The following ROR1 variants were observed in gnomAD, a reference collection of about 807,000 sequenced individuals.
The protein encoded by ROR1 is inactive tyrosine-protein kinase transmembrane receptor ROR1.
In ROR1, 19 loss-of-function variants were observed where a neutral mutation model predicts 78.8. The observed-to-expected ratio is 0.24, with a 90% CI of 0.17 to 0.35. ROR1 has a LOEUF of 0.35. Among genes scored for constraint, ROR1 ranks in the 10% least tolerant of loss-of-function variants. ROR1 has a pLI of 1.00. For synonymous variants in ROR1, 386 were observed against 433.6 expected, an observed-to-expected ratio of 0.89 and a Z score of 1.36; for missense variants, 917 against 1,177.8, an observed-to-expected ratio of 0.78 and a Z score of 3.24.
chr1:63,861,999 C>A (rs950748140), intron 1 of ROR1, among the ~76,000 whole-genome samples: 2 of 152,088 alleles, frequency 1.3e-5, no homozygotes, highest in African/African-American at 2.4e-5. Context: ...TTTAATTAAG[C>A]TTAAGCAATA....
intron 1 of ROR1, among the ~76,000 whole-genome samples, chr1:63,855,815 AT>A (rs34479737): frequency 0.22 from 32,634 of 147,832 alleles, 7,621 homozygotes; most frequent in African/African-American, 0.59. Context: ...CGCCCCACTA[AT>A]TTTTTTTTTT....
chr1:64,049,687 A>T lies in ROR1; in HGVS notation c.164-4A>T, dbSNP rs528131375. On this transcript the variant is annotated splice_polypyrimidine_tract_variant and splice_region_variant and intron_variant, in intron 2 of 8. Transcript: ENST00000371079. ...TCTCACCTGCCTCCTCTCTGTGCTC[A>T]CAGATTCTTACCTGACCCTCGATGA... 1 of 1,611,746 alleles carries T rather than the reference A, an allele frequency of 6.2e-7. No individual in the cohort carries two copies.
chr1:63,829,650 A>G (rs115825766), intron 1 of ROR1, among the ~76,000 whole-genome samples: 72 of 152,316 alleles, frequency 4.7e-4, no homozygotes, highest in African/African-American at 1.7e-3. Flanking sequence ...AAGTAATTCA[A>G]TCTTTCTGGA....
At chr1:64,107,596 A>G (rs1035847264) in intron 4 of ROR1, among the ~76,000 whole-genome samples, 2 of 151,692 alleles carry the variant, frequency 1.3e-5, no homozygotes, top group African/African-American at 4.8e-5. Context: ...TTTTTAAGTC[A>G]AGCTTTGTTA....
rs553946655 is a variant in ROR1, at chr1:64,179,955, T to C, written c.*1100T>C. ...TTCTGTGCTGGAAATGTTCACAGAT[T>C]TGATTCCCGCCCCAAGAATTACAAC... is the stretch of plus-strand genomic sequence containing the variant. On this transcript the variant is annotated 3_prime_UTR_variant, in exon 9 of 9. Transcript: ENST00000371079. 2 of 152,234 alleles carry C rather than the reference T, an allele frequency of 1.3e-5. No individual in the cohort carries two copies. Among genetic ancestry groups the C allele is most frequent in the Non-Finnish European group, 2.9e-5 (2 of 68,032 alleles). 9.4% of individuals were successfully genotyped at this position (152,234 alleles called of 1,614,324 possible).
At chr1:64,060,583 C>T (rs1187391040) in intron 4 of ROR1, among the ~76,000 whole-genome samples, 1 of 152,158 alleles carries the variant, frequency 6.6e-6, no homozygotes, top group African/African-American at 2.4e-5. Context: ...CCAAGATAAA[C>T]TCAAGGATAA....
chr1:64,160,376 A>G (rs1489967546), intron 8 of ROR1, among the ~76,000 whole-genome samples: 1 of 152,014 alleles, frequency 6.6e-6, no homozygotes, highest in Non-Finnish European at 1.5e-5. Context: ...AGGATTTGGA[A>G]TTCCTTAAAT....
At chr1:64,060,959 T>C (rs1646912419) in intron 4 of ROR1, among the ~76,000 whole-genome samples, 1 of 151,992 alleles carries the variant, frequency 6.6e-6, no homozygotes, top group African/African-American at 2.4e-5. Flanking sequence ...TGGCAAGGGG[T>C]ATCTTTGTGT....
At chr1:64,104,047 A>G (rs1391111777) in intron 4 of ROR1, among the ~76,000 whole-genome samples, 2 of 151,822 alleles carry the variant, frequency 1.3e-5, no homozygotes, top group African/African-American at 4.8e-5. Context: ...CCAACAAACA[A>G]CTCTCCAGCC....
At chr1:63,823,084 A>G (rs1392660334) in intron 1 of ROR1, among the ~76,000 whole-genome samples, 1 of 152,020 alleles carries the variant, frequency 6.6e-6, no homozygotes, top group Non-Finnish European at 1.5e-5. Context: ...TTAAGTTAAT[A>G]TACTTTTGAT....
intron 1 of ROR1, among the ~76,000 whole-genome samples, chr1:63,985,923 G>A (rs1271443626): frequency 1.3e-5 from 2 of 151,986 alleles, no homozygotes; most frequent in East Asian, 1.9e-4. Context: ...TTGGATAAGG[G>A]ATACTCAACC....
chr1:63,928,926 G>A (rs952514137), intron 1 of ROR1, among the ~76,000 whole-genome samples: 1 of 152,150 alleles, frequency 6.6e-6, no homozygotes, highest in Non-Finnish European at 1.5e-5. Flanking sequence ...TGTGCCCTCT[G>A]TCAGGCCCTG....
At chr1:63,877,248 T>C (rs1206784606) in intron 1 of ROR1, among the ~76,000 whole-genome samples, 4 of 152,112 alleles carry the variant, frequency 2.6e-5, no homozygotes, top group African/African-American at 7.2e-5. Flanking sequence ...GTTAAATTCC[T>C]CTGCGTGTGG....
intron 1 of ROR1, among the ~76,000 whole-genome samples, chr1:63,934,229 G>A (rs1387512382): frequency 1.3e-5 from 2 of 152,126 alleles, no homozygotes; most frequent in Non-Finnish European, 2.9e-5. Flanking sequence ...TGGAGCAAGA[G>A]GCCTTGAGCT....
chr1:64,138,528 G>A (rs1392629378), intron 5 of ROR1, among the ~76,000 whole-genome samples: 1 of 151,878 alleles, frequency 6.6e-6, no homozygotes, highest in South Asian at 2.1e-4. Context: ...AGGAGGCTGG[G>A]GGGAAGAGGG....
At chr1:64,013,244 G>T (rs997549607) in intron 2 of ROR1, among the ~76,000 whole-genome samples, 2 of 152,138 alleles carry the variant, frequency 1.3e-5, no homozygotes, top group Admixed American at 6.5e-5. Context: ...AGTCTGGTAA[G>T]GCAGGCATAT....
chr1:64,000,487 C>T (rs1357966883), intron 1 of ROR1, among the ~76,000 whole-genome samples: 1 of 152,184 alleles, frequency 6.6e-6, no homozygotes, highest in African/African-American at 2.4e-5. Flanking sequence ...TGAACTTCTC[C>T]TTGGGGAAAA....
chr1:64,105,226 T>G (rs1393245729), intron 4 of ROR1: 1 of 152,220 alleles, frequency 6.6e-6, no homozygotes, highest in Non-Finnish European at 1.5e-5. Flanking sequence ...TATTGAGCTT[T>G]TTTCATGTTT....
At chr1:63,861,132 G>A (rs1301030687) in intron 1 of ROR1, among the ~76,000 whole-genome samples, 1 of 152,170 alleles carries the variant, frequency 6.6e-6, no homozygotes, top group Non-Finnish European at 1.5e-5. Flanking sequence ...TTACTCCAGG[G>A]AAGAACACAG....
Sources: allele counts gnomAD v4.1 joint callset (sites outside exome capture counted in the v4.1 genomes callset), GRCh38; gene constraint gnomAD v4.1.1; transcripts MANE v1.5; gene names NCBI Gene and HGNC (gene_info 2026-07-23, HGNC 2026-07-21).